The following SLC24A4 variants were observed in gnomAD, a reference collection of about 807,000 sequenced individuals.
SLC24A4 encodes the protein sodium/potassium/calcium exchanger 4.
In SLC24A4, 53 loss-of-function variants were observed where a neutral mutation model predicts 79.0. The ratio of observed to expected loss-of-function variants is 0.67; its 90% CI spans 0.54 to 0.84. SLC24A4 has a LOEUF of 0.84. Ranked by LOEUF, SLC24A4 falls within the 40% of genes least tolerant of loss-of-function variation. The pLI, the probability that SLC24A4 is intolerant of heterozygous loss-of-function variation, is 0.00. For missense variants in SLC24A4, 731 were observed against 822.0 expected, an observed-to-expected ratio of 0.89 and a Z score of 1.35; for synonymous variants, 323 against 323.8, an observed-to-expected ratio of 1.00 and a Z score of 0.03.
At chr14:92,375,100 A>G (rs180691463) in intron 2 of SLC24A4, among the ~76,000 whole-genome samples, 146 of 152,316 alleles carry the variant, frequency 9.6e-4, no homozygotes, top group Middle Eastern at 3.4e-3. Flanking sequence ...TTCCCCTCAA[A>G]CAGTTCCAAC....
Position 92,351,236 on chromosome 14 carries a change from G to GCGCGCGCGCACACACACACACACACA in SLC24A4, c.241+25259_241+25260insGCGCGCGCACACACACACACACACAC, listed in dbSNP as rs112120101. ...CTCTCTTTCACACACACACATACAC[G>GCGCGCGCGCACACACACACACACACA]CACACACACACACACACACACAAAA... On this transcript the variant is annotated intron_variant, in intron 2 of 16. Coordinates refer to ENST00000532405, the MANE Select transcript of SLC24A4 (RefSeq NM_153646.4). Among the ~76,000 whole-genome samples, 3 of 147,070 alleles carry GCGCGCGCGCACACACACACACACACA rather than the reference G, an allele frequency of 2.0e-5. No individual in the cohort carries two copies. The Admixed American group carries it at 2.0e-4, about 10-fold the overall frequency.
rs918801145 is a variant in SLC24A4 at position 92,473,483 on chromosome 14, T to A, written c.1256-9197T>A. Among the ~76,000 whole-genome samples, 21 of 152,224 alleles carry A rather than the reference T, an allele frequency of 1.4e-4. 1 individual carries two copies. Among genetic ancestry groups the A allele is most frequent in the Admixed American group, 6.5e-5 (1 of 15,290 alleles). ...CGAGATACTCTTGGCTAGCATGGATTGAAAAGCTCCTCCCTGCTGTTTCTG... is the reference window on the plus strand; with the variant it reads ...CGAGATACTCTTGGCTAGCATGGATAGAAAAGCTCCTCCCTGCTGTTTCTG... On this transcript the variant is annotated intron_variant, in intron 12 of 16. Coordinates refer to ENST00000532405, the MANE Select transcript of SLC24A4 (RefSeq NM_153646.4).
chr14:92,420,117 C>G (rs965812813), intron 2 of SLC24A4, among the ~76,000 whole-genome samples: 5 of 152,182 alleles, frequency 3.3e-5, no homozygotes, highest in African/African-American at 1.2e-4. Context: ...CTGATTGCCC[C>G]TAAGTCTCCA....
At position 92,407,984 on chromosome 14, in the gene SLC24A4, G is replaced by A. The variant is rs147085503; in HGVS notation, c.242-25928G>A. On this transcript the variant is annotated intron_variant, in intron 2 of 16. Coordinates refer to ENST00000532405, the MANE Select transcript of SLC24A4 (RefSeq NM_153646.4). ...AACCGAAAGTGTTGAATTGTCATGG[G>A]ATGTTCATATGGTTATATGTATGCT... 8.1e-3 allele frequency among the ~76,000 whole-genome samples: 1,226 copies of A among 150,842 alleles called. 9 individuals are homozygous for A. Among genetic ancestry groups the A allele is most frequent in the Middle Eastern group, 0.034 (10 of 290 alleles).
At chr14:92,410,625 C>A (rs1363608340) in intron 2 of SLC24A4, among the ~76,000 whole-genome samples, 2 of 152,180 alleles carry the variant, frequency 1.3e-5, no homozygotes, top group Non-Finnish European at 2.9e-5. Context: ...CTCCCACACC[C>A]TTTACATAAT....
At chr14:92,356,622 G>C (rs933187604) in intron 2 of SLC24A4, among the ~76,000 whole-genome samples, 9 of 152,232 alleles carry the variant, frequency 5.9e-5, no homozygotes, top group Non-Finnish European at 1.2e-4. Flanking sequence ...AAGGATTAGA[G>C]GAATTAATAC....
At chr14:92,447,740 AG>A (rs1892884579) in intron 9 of SLC24A4, among the ~76,000 whole-genome samples, 1 of 152,236 alleles carries the variant, frequency 6.6e-6, no homozygotes, top group Non-Finnish European at 1.5e-5. Flanking sequence ...TCCATGCCCC[AG>A]GGTAACCACT....
intron 2 of SLC24A4, among the ~76,000 whole-genome samples, chr14:92,357,187 G>A (rs946616026): frequency 6.6e-6 from 1 of 152,192 alleles, no homozygotes; most frequent in Non-Finnish European, 1.5e-5. Flanking sequence ...TAGGATTAGG[G>A]TCATCTGTGG....
At chr14:92,463,767 C>T (rs80322567) in intron 12 of SLC24A4, among the ~76,000 whole-genome samples, 252 of 152,194 alleles carry the variant, frequency 1.7e-3, no homozygotes, top group East Asian at 8.1e-3. Context: ...TGAACATTTC[C>T]AACACCCCAA....
At chr14:92,426,311 G>A (rs902629001) in intron 2 of SLC24A4, among the ~76,000 whole-genome samples, 6 of 152,184 alleles carry the variant, frequency 3.9e-5, no homozygotes, top group African/African-American at 9.6e-5. Flanking sequence ...AAGAGCCAGC[G>A]TGTGTGGAGA....
chr14:92,439,229 G>A (rs1465104779), intron 3 of SLC24A4, 106 bp from the exon 4 acceptor site: 3 of 882,894 alleles, frequency 3.4e-6, no homozygotes, highest in South Asian at 1.4e-5. Context: ...GCCCCGCTCT[G>A]TCCGCCTGGC....
chr14:92,418,903 T>C (rs1432832494), intron 2 of SLC24A4, among the ~76,000 whole-genome samples: 5 of 152,142 alleles, frequency 3.3e-5, no homozygotes, highest in African/African-American at 1.2e-4. Flanking sequence ...GGTTTTGCCA[T>C]GTTGGCCAGA....
In SLC24A4 at chr14:92,408,200, TG is replaced by T. The variant is rs1272454621; in HGVS notation, c.242-25711del. 2.0e-3 allele frequency among the ~76,000 whole-genome samples: 300 copies of T among 151,890 alleles called. 3 individuals carry two copies. The highest frequency in any genetic ancestry group is 6.7e-3 in the African/African-American group (277 of 41,316). ...GTGTGTGTGTGTGTGTGTGTGTGTG[TG>T]TTTCACATCCACAAGGGGGAATAAG... On this transcript the variant is annotated intron_variant, in intron 2 of 16. Coordinates refer to ENST00000532405, the MANE Select transcript of SLC24A4 (RefSeq NM_153646.4).
chr14:92,400,583 TC>T (rs2141761833), intron 2 of SLC24A4, among the ~76,000 whole-genome samples: 1 of 152,266 alleles, frequency 6.6e-6, no homozygotes, highest in South Asian at 2.1e-4. Flanking sequence ...GGACTACGGT[TC>T]TTTTTACCCT....
Position 92,486,651 on chromosome 14 carries a change from C to G in SLC24A4, c.1423-15C>G. 6.4e-7 allele frequency: 1 copy of G among 1,557,002 alleles called. No individual in the cohort carries two copies. The highest frequency in any genetic ancestry group is 1.4e-5 in the African/African-American group (1 of 73,852). ...TGTTGGTTGAGAGTTCATGTCTCCA[C>G]CCCACATTCTGCAGGTGACTATTAT... On this transcript the variant is annotated splice_polypyrimidine_tract_variant and intron_variant, in intron 13 of 16. Coordinates refer to ENST00000532405, the MANE Select transcript of SLC24A4 (RefSeq NM_153646.4).
intron 13 of SLC24A4, chr14:92,485,039 C>A: frequency 3.2e-6 from 1 of 311,952 alleles, no homozygotes; most frequent in Non-Finnish European, 4.7e-6. Context: ...TTGCTCATGA[C>A]AGTAAATATT....
chr14:92,447,282 C>T lies in SLC24A4; in HGVS notation c.684-89C>T, dbSNP rs372821878. ...AGGGGCGGGGGAGGTAAAGACATCCCGCCCTTCCCCACTTCTGGACCCCTC... is the reference window on the plus strand; with the variant it reads ...AGGGGCGGGGGAGGTAAAGACATCCTGCCCTTCCCCACTTCTGGACCCCTC... On this transcript the variant is annotated intron_variant, in intron 8 of 16. Transcript: ENST00000532405. 397 of 1,204,640 alleles carry T rather than the reference C, an allele frequency of 3.3e-4. No homozygotes were observed. The African/African-American group carries it at 3.8e-3, about 11-fold the overall frequency. The allele number at this position is 1,204,640 out of a possible 1,614,324, so 74.6% of individuals were successfully genotyped here.
chr14:92,470,380 A>ATG (rs1377187549), intron 12 of SLC24A4, among the ~76,000 whole-genome samples: 1 of 152,132 alleles, frequency 6.6e-6, no homozygotes, highest in African/African-American at 2.4e-5. Flanking sequence ...CCTGCAAACC[A>ATG]CAGGTTAACC....
At position 92,389,413 on chromosome 14, in the gene SLC24A4, A is replaced by C. The variant is rs149196886; in HGVS notation, c.242-44499A>C. Among the ~76,000 whole-genome samples the C allele has an allele frequency of 4.4e-3, 666 of 152,184 alleles. 6 individuals are homozygous for C. The highest frequency in any genetic ancestry group is 0.015 in the African/African-American group (632 of 41,506). ...TTAGCTGGAAAATGAACCAGATCTG[A>C]TTCCCAAACCACCGTTCTTCCCCAT... is the stretch of plus-strand genomic sequence containing the variant. On this transcript the variant is annotated intron_variant, in intron 2 of 16. Transcript: ENST00000532405.
Sources: allele counts gnomAD v4.1 joint callset (sites outside exome capture counted in the v4.1 genomes callset), GRCh38; gene constraint gnomAD v4.1.1; transcripts MANE v1.5; gene names NCBI Gene and HGNC (gene_info 2026-07-23, HGNC 2026-07-21).